KCNMA1: variants seen among roughly 807,000 people sequenced by gnomAD.
KCNMA1 encodes potassium calcium-activated channel subfamily M alpha 1.
A neutral mutation model predicts 140.0 loss-of-function variants in KCNMA1; 29 were observed. The observed-to-expected ratio is 0.21, with a 90% CI of 0.15 to 0.28. The LOEUF (loss-of-function observed/expected upper bound fraction) is 0.28, where lower values mean the gene tolerates loss of function less well. Ranked by LOEUF, KCNMA1 falls within the 10% of genes least tolerant of loss-of-function variation. The probability of loss-of-function intolerance (pLI) is 1.00; values close to 1 mark genes in which losing one functional copy is unlikely to be tolerated. For missense variants in KCNMA1, 880 were observed against 1,602.2 expected, an observed-to-expected ratio of 0.55 and a Z score of 7.70; for synonymous variants, 612 against 611.9, an observed-to-expected ratio of 1.00 and a Z score of 0.00.
At chr10:76,901,312 TTTC>T (rs2045289733) in intron 25 of KCNMA1, 1 of 152,196 alleles carries the variant, frequency 6.6e-6, no homozygotes, top group South Asian at 2.1e-4. Flanking sequence ...TTTTTATATG[TTTC>T]TTCTTTATAT....
intron 6 of KCNMA1, among the ~76,000 whole-genome samples, chr10:77,117,539 CAAAAA>C (rs56926398): frequency 2.2e-4 from 5 of 22,516 alleles, no homozygotes; most frequent in South Asian, 3.3e-3. Flanking sequence ...GAGTCTATCT[CAAAAA>C]AAAAAAAAAA....
At position 76,884,884 on chromosome 10, in the gene KCNMA1, T is replaced by C; in HGVS notation, c.*2382A>G. The C allele has an allele frequency of 1.4e-6, 2 of 1,400,314 alleles. No individual in the cohort carries two copies. The highest frequency in any genetic ancestry group is 2.8e-5 in the East Asian group (1 of 35,830). 86.7% of individuals were successfully genotyped at this position (1,400,314 alleles called of 1,614,324 possible). On this transcript the variant is annotated 3_prime_UTR_variant, in exon 28 of 28. Transcript: ENST00000286628. Reference sequence around the variant, plus strand: ...AACAAACCAATAACAGAATAAAATTTGTAACTCCTTTTTTTTTAATTTCAC... The same window carrying C: ...AACAAACCAATAACAGAATAAAATTCGTAACTCCTTTTTTTTTAATTTCAC...
rs34943268 is a variant in KCNMA1 at position 77,039,883 on chromosome 10, C to CTTTTTTTTT, written c.1750-255_1750-247dup. ...TCTTTCCTTTTTCTTTTTTCTTTTT[C>CTTTTTTTTT]TTTTTTTTTTTTTTTTTTTTTTTGA... On this transcript the variant is annotated intron_variant, in intron 14 of 27. Coordinates refer to ENST00000286628, the MANE Select transcript of KCNMA1 (RefSeq NM_001161352.2). Among the ~76,000 whole-genome samples, 419 of 78,932 alleles carry CTTTTTTTTT rather than the reference C, an allele frequency of 5.3e-3. 8 individuals carry two copies. The highest frequency in any genetic ancestry group is 6.4e-3 in the Non-Finnish European group (291 of 45,714). 51.8% of individuals were successfully genotyped at this position (78,932 alleles called of 152,430 possible).
At chr10:76,880,165 C>A (rs1447813748), downstream of KCNMA1, among the ~76,000 whole-genome samples, 1 of 152,124 alleles carries the variant, frequency 6.6e-6, no homozygotes, top group Non-Finnish European at 1.5e-5. Context: ...AATAATTGTT[C>A]GGAATTTAGT....
intron 1 of KCNMA1, among the ~76,000 whole-genome samples, chr10:77,535,144 G>A (rs1203686794): frequency 6.6e-6 from 1 of 152,154 alleles, no homozygotes. Context: ...ACACACTCCA[G>A]TAGCAACCAC....
chr10:77,427,716 C>CATTT (rs1249559373), intron 1 of KCNMA1, among the ~76,000 whole-genome samples: 45 of 61,354 alleles, frequency 7.3e-4, no homozygotes, highest in African/African-American at 3.3e-3. Flanking sequence ...AGCATCCATC[C>CATTT]ATTCATTTAT....
At chr10:77,515,373 G>GA (rs1008207305) in intron 1 of KCNMA1, among the ~76,000 whole-genome samples, 66 of 150,266 alleles carry the variant, frequency 4.4e-4, no homozygotes, top group African/African-American at 1.1e-3. Context: ...GGCAATTGAT[G>GA]AAAAAAAAAA....
chr10:77,618,240 C>T (rs2090243408), intron 1 of KCNMA1, among the ~76,000 whole-genome samples: 1 of 152,158 alleles, frequency 6.6e-6, no homozygotes, highest in African/African-American at 2.4e-5. Context: ...ATCAATGGTA[C>T]TTTGTATGAG....
chr10:77,273,238 C>T (rs1012848038), intron 2 of KCNMA1, among the ~76,000 whole-genome samples: 2 of 152,062 alleles, frequency 1.3e-5, no homozygotes, highest in Non-Finnish European at 2.9e-5. Context: ...CTTATTCTCC[C>T]TTTGTTTCTG....
At chr10:77,515,216 G>A (rs930199060) in intron 1 of KCNMA1, among the ~76,000 whole-genome samples, 1 of 152,148 alleles carries the variant, frequency 6.6e-6, no homozygotes, top group Non-Finnish European at 1.5e-5. Flanking sequence ...GGGGGATGGG[G>A]GGGAAAGGAG....
intron 22 of KCNMA1, among the ~76,000 whole-genome samples, chr10:76,947,598 C>G (rs564643185): frequency 6.6e-6 from 1 of 152,338 alleles, no homozygotes; most frequent in South Asian, 2.1e-4. Flanking sequence ...GACCATATTT[C>G]TGGAATGAGC....
At chr10:77,179,359 C>T (rs1231412744) in intron 5 of KCNMA1, among the ~76,000 whole-genome samples, 1 of 152,106 alleles carries the variant, frequency 6.6e-6, no homozygotes, top group Non-Finnish European at 1.5e-5. Context: ...TGGAGCAGGT[C>T]GGATCTCCAA....
rs1403233477 is a variant in KCNMA1 at position 77,528,403 on chromosome 10, G to T, written c.378+108862C>A. Among the ~76,000 whole-genome samples the T allele has an allele frequency of 3.3e-5, 5 of 152,150 alleles. No individual in the cohort carries two copies. In the South Asian group the frequency reaches 8.3e-4, roughly 25 times the overall value. On this transcript the variant is annotated intron_variant, in intron 1 of 27. Transcript: ENST00000286628. ...GCAGGCAGATCACCTGAGGTCAGGAGTTTGAGACCAGCCTGGCCAACATGG... is the reference window on the plus strand; with the variant it reads ...GCAGGCAGATCACCTGAGGTCAGGATTTTGAGACCAGCCTGGCCAACATGG...
At chr10:77,151,538 GTTTC>G (rs2098419008) in intron 5 of KCNMA1, among the ~76,000 whole-genome samples, 1 of 152,194 alleles carries the variant, frequency 6.6e-6, no homozygotes, top group Admixed American at 6.5e-5. Flanking sequence ...TAAATCTGCA[GTTTC>G]TACAGCTACT....
chr10:77,529,464 C>A (rs1406476217), intron 1 of KCNMA1, among the ~76,000 whole-genome samples: 1 of 152,106 alleles, frequency 6.6e-6, no homozygotes, highest in Non-Finnish European at 1.5e-5. Flanking sequence ...CGGCACCTAC[C>A]CTTTGTCAAA....
rs371761268 is a variant in KCNMA1 at position 76,892,921 on chromosome 10, A to T, written c.3148-1202T>A. ...AATACTTACAAAAACACCCATTGTG[A>T]TACAAAATTCCAACTGCAAAAGAAT... is the stretch of plus-strand genomic sequence containing the variant. On this transcript the variant is annotated intron_variant, in intron 25 of 27. Coordinates refer to ENST00000286628, the MANE Select transcript of KCNMA1 (RefSeq NM_001161352.2). 5.3e-5 allele frequency among the ~76,000 whole-genome samples: 8 copies of T among 152,372 alleles called. No individual in the cohort carries two copies. The East Asian group carries it at 1.3e-3, about 26-fold the overall frequency.
At chr10:77,616,954 T>C (rs1043921623) in intron 1 of KCNMA1, among the ~76,000 whole-genome samples, 5 of 152,146 alleles carry the variant, frequency 3.3e-5, no homozygotes, top group African/African-American at 1.2e-4. Context: ...AACACAACTA[T>C]GATTTAAGCC....
chr10:77,081,995 T>C (rs2096579645), intron 12 of KCNMA1, among the ~76,000 whole-genome samples: 1 of 68,190 alleles, frequency 1.5e-5, no homozygotes, highest in South Asian at 4.1e-4. Context: ...CAGTAATTTC[T>C]TTTTTTCTTT....
intron 13 of KCNMA1, among the ~76,000 whole-genome samples, chr10:77,079,143 G>A (rs1443936466): frequency 6.6e-6 from 1 of 152,172 alleles, no homozygotes; most frequent in Non-Finnish European, 1.5e-5. Flanking sequence ...GGTGGCGCAT[G>A]CCTGTAATCC....
Sources: allele counts gnomAD v4.1 joint callset (sites outside exome capture counted in the v4.1 genomes callset), GRCh38; gene constraint gnomAD v4.1.1; transcripts MANE v1.5; gene names NCBI Gene and HGNC (gene_info 2026-07-23, HGNC 2026-07-21).